Variants in MSRA observed in about 807,000 individuals in gnomAD.
MSRA encodes methionine sulfoxide reductase A, also known as mitochondrial peptide methionine sulfoxide reductase.
Under a neutral mutation model 31.3 loss-of-function variants are expected in MSRA, and 54 were observed. The ratio of observed to expected loss-of-function variants is 1.73; its 90% CI spans 1.39 to 2.17. The LOEUF (loss-of-function observed/expected upper bound fraction) is 2.17, where lower values mean the gene tolerates loss of function less well. Ranked by LOEUF, MSRA falls within the 30% of genes most tolerant of loss-of-function variation. The pLI is 0.00. For synonymous variants in MSRA, 169 were observed against 116.5 expected (o/e 1.45, Z -2.90); for missense variants, 507 against 300.9 (o/e 1.69, Z -5.07).
intron 1 of MSRA, among the ~76,000 whole-genome samples, chr8:10,145,572 G>C (rs1327779252): frequency 6.6e-6 from 1 of 152,162 alleles, no homozygotes; most frequent in Non-Finnish European, 1.5e-5. Context: ...CCACGGGGCG[G>C]GTGGCCTTCT....
At chr8:10,054,821 G>A (rs1454916000) in intron 1 of MSRA, among the ~76,000 whole-genome samples, 163 bp downstream of exon 1, 2 of 152,194 alleles carry the variant, frequency 1.3e-5, no homozygotes, top group Non-Finnish European at 2.9e-5. Context: ...CAGTGGCCGG[G>A]GAGACGCTGG....
At chr8:10,421,288 T>G (rs1333633674) in intron 5 of MSRA, among the ~76,000 whole-genome samples, 1 of 152,140 alleles carries the variant, frequency 6.6e-6, no homozygotes, top group East Asian at 1.9e-4. Flanking sequence ...TGTCCTCAGC[T>G]GAGAAACAGG....
At chr8:10,294,694 C>G (rs192051099) in intron 3 of MSRA, among the ~76,000 whole-genome samples, 2 of 152,152 alleles carry the variant, frequency 1.3e-5, no homozygotes, top group African/African-American at 4.8e-5. Flanking sequence ...CACCGACCTC[C>G]TTGCACAGGG....
At chr8:10,106,689 T>A (rs913335086) in intron 1 of MSRA, among the ~76,000 whole-genome samples, 1 of 152,212 alleles carries the variant, frequency 6.6e-6, no homozygotes, top group Admixed American at 6.5e-5. Context: ...GTGCTTCTTG[T>A]GATTTCACAT....
intron 2 of MSRA, among the ~76,000 whole-genome samples, chr8:10,234,590 A>G (rs1811789830): frequency 1.3e-5 from 2 of 152,086 alleles, no homozygotes; most frequent in South Asian, 4.1e-4. Context: ...AGGTTATGGA[A>G]AGAAGTTTAA....
intron 1 of MSRA, among the ~76,000 whole-genome samples, chr8:10,076,930 C>T (rs7017289): frequency 6.6e-6 from 1 of 151,536 alleles, no homozygotes; most frequent in East Asian, 1.9e-4. Flanking sequence ...AAAAAAAAAG[C>T]TAATGCCTGC....
chr8:10,063,790 T>G (rs1797326746), intron 1 of MSRA, among the ~76,000 whole-genome samples: 2 of 152,198 alleles, frequency 1.3e-5, no homozygotes, highest in South Asian at 4.1e-4. Context: ...GTCTCCAGTA[T>G]TGTGAGAAAG....
chr8:10,385,137 C>A (rs952486506), intron 5 of MSRA, among the ~76,000 whole-genome samples: 5 of 152,110 alleles, frequency 3.3e-5, no homozygotes, highest in African/African-American at 1.2e-4. Flanking sequence ...AGATGGAGGT[C>A]AGTGAATGGA....
chr8:10,137,440 C>A (rs1240827264), intron 1 of MSRA, among the ~76,000 whole-genome samples: 1 of 152,126 alleles, frequency 6.6e-6, no homozygotes, highest in Admixed American at 6.5e-5. Context: ...AAATATACAC[C>A]TGGAATCGGT....
At chr8:10,097,345 A>G (rs888740361) in intron 1 of MSRA, among the ~76,000 whole-genome samples, 2 of 152,196 alleles carry the variant, frequency 1.3e-5, no homozygotes, top group East Asian at 1.9e-4. Flanking sequence ...TTTATACACT[A>G]CGTCGCTGAT....
Position 10,409,276 on chromosome 8 carries a change from A to G in MSRA, c.544-18872A>G, listed in dbSNP as rs567040440. Among the ~76,000 whole-genome samples, 20 of 152,302 alleles carry G rather than the reference A, an allele frequency of 1.3e-4. 1 individual carries two copies. The South Asian group carries it at 3.9e-3, about 30-fold the overall frequency. On this transcript the variant is annotated intron_variant, in intron 5 of 5. Transcript: ENST00000317173. ...TAGTAGCCATTCTGACTGGTGTAAG[A>G]TGATATCTCATTGTGCCTTTGATTT...
rs565737544 is a variant in MSRA, at chr8:10,197,243, A to G, written c.143-10590A>G. On this transcript the variant is annotated intron_variant, in intron 1 of 5. Coordinates refer to ENST00000317173, the MANE Select transcript of MSRA (RefSeq NM_012331.5). ...GTGGAAAATTTCCATCAATTAATGT[A>G]ATATTATATGCTTATCACAGACGCC... is the stretch of plus-strand genomic sequence containing the variant. Among the ~76,000 whole-genome samples, 24 of 152,368 alleles carry G rather than the reference A, an allele frequency of 1.6e-4. No individual in the cohort carries two copies. In the South Asian group the frequency reaches 4.6e-3, roughly 29 times the overall value.
intron 3 of MSRA, among the ~76,000 whole-genome samples, chr8:10,253,814 G>A (rs1040662754): frequency 6.6e-6 from 1 of 152,070 alleles, no homozygotes; most frequent in African/African-American, 2.4e-5. Context: ...ACTTCATAAT[G>A]ACTGACAATT....
chr8:10,183,163 A>T (rs1016348839), intron 1 of MSRA, among the ~76,000 whole-genome samples: 2 of 152,016 alleles, frequency 1.3e-5, no homozygotes, highest in Non-Finnish European at 2.9e-5. Flanking sequence ...CTTGAGGACT[A>T]TTTGCCTTCC....
chr8:10,377,649 C>T (rs1302955554), intron 5 of MSRA, among the ~76,000 whole-genome samples: 1 of 152,184 alleles, frequency 6.6e-6, no homozygotes, highest in Non-Finnish European at 1.5e-5. Context: ...GCTGGAACCC[C>T]GTGTCCAGAG....
chr8:10,358,220 T>TGCCTGGCGATGTGAGCCACCAC (rs1214875236), intron 5 of MSRA, among the ~76,000 whole-genome samples: 3 of 152,088 alleles, frequency 2.0e-5, no homozygotes, highest in Non-Finnish European at 4.4e-5. Flanking sequence ...TGAGCCACCA[T>TGCCTGGCGATGTGAGCCACCAC]GCCTGGCGAT....
chr8:10,364,029 C>G (rs923205951), intron 5 of MSRA, among the ~76,000 whole-genome samples: 5 of 152,146 alleles, frequency 3.3e-5, no homozygotes, highest in African/African-American at 7.2e-5. Context: ...TTCTCTAGAC[C>G]TTACCCTGTT....
chr8:10,424,109 C>A (rs1355959177), intron 5 of MSRA, among the ~76,000 whole-genome samples: 5 of 152,142 alleles, frequency 3.3e-5, no homozygotes, highest in Non-Finnish European at 7.3e-5. Context: ...AAGAAGCGGG[C>A]AGGTTTCATA....
intron 3 of MSRA, among the ~76,000 whole-genome samples, 168 bp downstream of exon 3, chr8:10,245,391 A>G (rs1431748519): frequency 6.6e-6 from 1 of 152,226 alleles, no homozygotes; most frequent in Non-Finnish European, 1.5e-5. Context: ...ATATGTTTAG[A>G]AGATGATAAT....
Sources: allele counts gnomAD v4.1 joint callset (sites outside exome capture counted in the v4.1 genomes callset), GRCh38; gene constraint gnomAD v4.1.1; transcripts MANE v1.5; gene names NCBI Gene and HGNC (gene_info 2026-07-23, HGNC 2026-07-21).